The following PTCHD4 variants were observed in gnomAD, a reference collection of about 807,000 sequenced individuals.
PTCHD4 encodes the protein patched domain-containing protein 4.
Under a neutral mutation model 58.1 loss-of-function variants are expected in PTCHD4, and 33 were observed. That is an observed-to-expected ratio of 0.57 (90% CI 0.43 to 0.76). The LOEUF is 0.76. Among genes scored for constraint, PTCHD4 ranks in the 30% least tolerant of loss-of-function variants. PTCHD4 has a pLI of 0.00. For synonymous variants in PTCHD4, 478 were observed against 409.6 expected (o/e 1.17, Z -2.02); for missense variants, 1,058 against 1,027.1 (o/e 1.03, Z -0.41).
At chr6:48,079,477 A>G (rs1236073263) in intron 1 of PTCHD4, among the ~76,000 whole-genome samples, 1 of 152,036 alleles carries the variant, frequency 6.6e-6, no homozygotes, top group African/African-American at 2.4e-5. Flanking sequence ...ATCAACATTC[A>G]TATCACTGTA....
In PTCHD4 at chr6:47,864,105, G is replaced by T. The variant is rs1763495696; in HGVS notation, c.*14198C>A. Reference sequence around the variant, plus strand: ...TCAGAGATTTTCAAAGTCCAAGTGTGGTTCCTCAGACTAGTAGCATTAGCA... The same window carrying T: ...TCAGAGATTTTCAAAGTCCAAGTGTTGTTCCTCAGACTAGTAGCATTAGCA... On this transcript the variant is annotated 3_prime_UTR_variant, in exon 5 of 5. Transcript: ENST00000339488. Among the ~76,000 whole-genome samples the T allele has an allele frequency of 1.3e-5, 2 of 151,874 alleles. No homozygotes were observed. The highest frequency in any genetic ancestry group is 1.3e-4 in the Admixed American group (2 of 15,230).
At chr6:48,061,129 A>G (rs1229173120) in intron 3 of PTCHD4, among the ~76,000 whole-genome samples, 1 of 152,236 alleles carries the variant, frequency 6.6e-6, no homozygotes, top group Non-Finnish European at 1.5e-5. Flanking sequence ...ATATAATATT[A>G]ACATAATTGG....
intron 4 of PTCHD4, among the ~76,000 whole-genome samples, chr6:47,894,994 C>A (rs552894649): frequency 6.6e-6 from 1 of 152,100 alleles, no homozygotes; most frequent in African/African-American, 2.4e-5. Flanking sequence ...ATTATCTGGG[C>A]ATGGTGGTGC....
chr6:47,985,034 A>T (rs1768009802), intron 4 of PTCHD4, among the ~76,000 whole-genome samples: 1 of 152,158 alleles, frequency 6.6e-6, no homozygotes, highest in African/African-American at 2.4e-5. Flanking sequence ...TTTCAAATAT[A>T]ATTATGACCA....
chr6:47,882,088 C>G (rs1179435248), intron 4 of PTCHD4, among the ~76,000 whole-genome samples: 3 of 152,088 alleles, frequency 2.0e-5, no homozygotes, highest in Non-Finnish European at 4.4e-5. Flanking sequence ...ACAGTACTTG[C>G]TCTATTATTC....
intron 4 of PTCHD4, among the ~76,000 whole-genome samples, chr6:47,947,767 A>G (rs1561972145): frequency 6.6e-6 from 1 of 152,124 alleles, no homozygotes; most frequent in Non-Finnish European, 1.5e-5. Flanking sequence ...TTTTATTTCA[A>G]CTGCTTGAAT....
rs766703037 is a variant in PTCHD4 at position 47,879,956 on chromosome 6, AAAT to A, written c.899-23_899-21del. 2.7e-6 allele frequency: 4 copies of A among 1,456,030 alleles called. No individual in the cohort carries two copies. In the South Asian group the frequency reaches 5.7e-5, roughly 21 times the overall value. 90.2% of individuals were successfully genotyped at this position (1,456,030 alleles called of 1,614,324 possible). ...CATGACCTAATGTTTTAAAAAAAGA[AAAT>A]AATAATTATTTTTATTTCCTCCTAT... is the stretch of plus-strand genomic sequence containing the variant. On this transcript the variant is annotated intron_variant, in intron 4 of 4. Transcript: ENST00000339488.
chr6:47,990,980 CA>C (rs1178865631), intron 4 of PTCHD4, among the ~76,000 whole-genome samples: 1 of 151,314 alleles, frequency 6.6e-6, no homozygotes, highest in Non-Finnish European at 1.5e-5. Flanking sequence ...AAATCTTTCA[CA>C]ATGTAGCACA....
chr6:48,025,497 G>C (rs557734133), intron 3 of PTCHD4, among the ~76,000 whole-genome samples: 25 of 152,280 alleles, frequency 1.6e-4, no homozygotes, highest in African/African-American at 5.8e-4. Flanking sequence ...CAAGTAGTCA[G>C]AGAATTCAAG....
chr6:47,955,000 A>G (rs1766798458), intron 4 of PTCHD4, among the ~76,000 whole-genome samples: 1 of 152,208 alleles, frequency 6.6e-6, no homozygotes. Context: ...AAGTCTCAGC[A>G]AAAACTAGCC....
intron 3 of PTCHD4, among the ~76,000 whole-genome samples, chr6:48,062,216 G>C (rs895137670): frequency 6.6e-6 from 1 of 152,082 alleles, no homozygotes; most frequent in African/African-American, 2.4e-5. Flanking sequence ...AAATAAAAAC[G>C]GTTAGAGTGC....
intron 3 of PTCHD4, among the ~76,000 whole-genome samples, chr6:48,020,697 T>A (rs1246811260): frequency 2.0e-5 from 3 of 152,026 alleles, no homozygotes; most frequent in Non-Finnish European, 4.4e-5. Flanking sequence ...GCTAAGAGAA[T>A]AAAGCAGCAT....
chr6:48,027,058 A>G (rs1455594733), intron 3 of PTCHD4, among the ~76,000 whole-genome samples: 2 of 152,126 alleles, frequency 1.3e-5, no homozygotes, highest in African/African-American at 2.4e-5. Flanking sequence ...AATGAAAGCG[A>G]TAAGATTTTT....
Position 48,068,838 on chromosome 6 carries a change from T to C in PTCHD4, c.5+115A>G, listed in dbSNP as rs1005061849. 6 of 553,668 alleles carry C rather than the reference T, an allele frequency of 1.1e-5. No homozygotes were observed. The highest frequency in any genetic ancestry group is 1.8e-5 in the Non-Finnish European group (6 of 328,474). 34.3% of individuals were successfully genotyped at this position (553,668 alleles called of 1,614,324 possible). A position where few individuals can be genotyped will look rare whatever the true frequency, so the allele number is the denominator to read the frequency against. On this transcript the variant is annotated intron_variant, in intron 2 of 4. Coordinates refer to ENST00000339488, the MANE Select transcript of PTCHD4 (RefSeq NM_001384253.1). This position sits in a 1 kb window ranked among gnomAD's most constrained non-coding sequence, Gnocchi z 4.2. ...TACTCTTTCAAACACTGCAGCAAGT[T>C]GCAGCAAGGCGGGCAAATACCGACA...
rs1337169993 is a variant in PTCHD4 at position 47,866,638 on chromosome 6, C to CT, written c.*11664dup. On this transcript the variant is annotated 3_prime_UTR_variant, in exon 5 of 5. Transcript: ENST00000339488. ...CTCTAAAAAGCATAATTAGGAAATG[C>CT]TTTTTTCAGGTTTAAAGTTTAAAAT... is the stretch of plus-strand genomic sequence containing the variant. Among the ~76,000 whole-genome samples, 3 of 151,914 alleles carry CT rather than the reference C, an allele frequency of 2.0e-5. No homozygotes were observed. Among genetic ancestry groups the CT allele is most frequent in the African/African-American group, 7.2e-5 (3 of 41,510 alleles).
Position 48,068,548 on chromosome 6 carries a change from C to T in PTCHD4, c.99G>A (p.Leu33=). The T allele has an allele frequency of 6.2e-7, 1 of 1,604,346 alleles. No individual in the cohort carries two copies. ...AAAAGACCGGGTGCCGGCTCACGCA[C>T]AAACCCAGCCTGTGGCAGAACGACT... ...GLQSFCHRLG[L]CVSRHPVFFL... is the part of the protein sequence containing the mutation. The change falls in exon 3 of 5, where the codon TTG becomes TTA. Residue 33 remains leucine (L), a synonymous_variant. Coordinates refer to ENST00000339488, the MANE Select transcript of PTCHD4 (RefSeq NM_001384253.1). The surrounding 1 kb of genome is among the most constrained non-coding windows in gnomAD (Gnocchi z 4.2).
At chr6:47,930,704 G>T (rs1765786290) in intron 4 of PTCHD4, among the ~76,000 whole-genome samples, 1 of 152,186 alleles carries the variant, frequency 6.6e-6, no homozygotes, top group African/African-American at 2.4e-5. Context: ...CATTACATAG[G>T]CAACGTCCAG....
At chr6:47,971,399 G>T (rs562021232) in intron 4 of PTCHD4, among the ~76,000 whole-genome samples, 1 of 152,220 alleles carries the variant, frequency 6.6e-6, no homozygotes, top group Non-Finnish European at 1.5e-5. Flanking sequence ...GGCCCACTGT[G>T]CTGTGTACCC....
chr6:48,059,574 G>A (rs1764541758), intron 3 of PTCHD4, among the ~76,000 whole-genome samples: 1 of 152,112 alleles, frequency 6.6e-6, no homozygotes, highest in Non-Finnish European at 1.5e-5. Flanking sequence ...GGGAGGCAGA[G>A]GTTGCAGTGA....
Sources: gnomAD v4.1 joint callset for allele counts (sites outside exome capture counted in the v4.1 genomes callset) on GRCh38, gnomAD v4.1.1 for gene constraint, Gnocchi (gnomAD v3.1) non-coding constraint, MANE v1.5 for transcripts, NCBI Gene and HGNC (gene_info 2026-07-23, HGNC 2026-07-21) for gene names.